ADAMTS2: variants seen among roughly 807,000 people sequenced by gnomAD.
ADAMTS2 encodes ADAM metallopeptidase with thrombospondin type 1 motif 2.
ADAMTS2 carries 50 observed loss-of-function variants against 123.0 expected under a neutral mutation model. That is an observed-to-expected ratio of 0.41 (90% CI 0.32 to 0.51). The LOEUF (loss-of-function observed/expected upper bound fraction) is 0.51, where lower values mean the gene tolerates loss of function less well. ADAMTS2 is among the 20% of genes least tolerant of loss of function. The pLI is 0.35. For missense variants in ADAMTS2, 1,494 were observed against 1,705.2 expected (o/e 0.88, Z 2.18); for synonymous variants, 678 against 695.4 (o/e 0.98, Z 0.39).
chr5:179,238,612 A>C (rs1765590154), intron 3 of ADAMTS2, among the ~76,000 whole-genome samples: 1 of 152,130 alleles, frequency 6.6e-6, no homozygotes, highest in African/African-American at 2.4e-5. Flanking sequence ...TAGAAAGGGC[A>C]TCCAGGCGGA....
intron 20 of ADAMTS2, 34 bp downstream of exon 20, chr5:179,122,610 C>T (rs1239818579): frequency 3.0e-5 from 46 of 1,546,792 alleles, no homozygotes; most frequent in Non-Finnish European, 3.8e-5. Flanking sequence ...CTGCTGCATG[C>T]TGGGAGCAGG....
At chr5:179,306,584 C>G (rs1756679002) in intron 2 of ADAMTS2, among the ~76,000 whole-genome samples, 1 of 152,188 alleles carries the variant, frequency 6.6e-6, no homozygotes, top group Admixed American at 6.5e-5. Flanking sequence ...GAGTCCTAGA[C>G]AGCACCTCTG....
intron 2 of ADAMTS2, among the ~76,000 whole-genome samples, chr5:179,339,955 C>T (rs1482906218): frequency 2.0e-5 from 3 of 152,244 alleles, no homozygotes; most frequent in African/African-American, 7.2e-5. Flanking sequence ...GCCTTTATGA[C>T]TCTTAATGTC....
At position 179,228,071 on chromosome 5, in the gene ADAMTS2, C is replaced by T. The variant is rs1288442877; in HGVS notation, c.689-20356G>A. ...GGGAGGAGGAGAAGGCCGTGTGGGG[C>T]GTGTTGGGCTGAGATTTCTGTGGGG... On this transcript the variant is annotated intron_variant, in intron 3 of 21. Transcript: ENST00000251582. The surrounding 1 kb of genome is among the most constrained non-coding windows in gnomAD (Gnocchi z 5.2). Among the ~76,000 whole-genome samples, 1 of 152,078 alleles carries T rather than the reference C, an allele frequency of 6.6e-6. No homozygotes were observed. Among genetic ancestry groups the T allele is most frequent in the Non-Finnish European group, 1.5e-5 (1 of 67,998 alleles).
chr5:179,203,524 G>A (rs1442997022), intron 4 of ADAMTS2, among the ~76,000 whole-genome samples: 1 of 152,232 alleles, frequency 6.6e-6, no homozygotes, highest in Non-Finnish European at 1.5e-5. Flanking sequence ...ACTTGGGGTT[G>A]TGGTTCGAGG....
intron 2 of ADAMTS2, among the ~76,000 whole-genome samples, chr5:179,327,295 C>A (rs1757343023): frequency 6.6e-6 from 1 of 152,182 alleles, no homozygotes; most frequent in African/African-American, 2.4e-5. Flanking sequence ...GGCAGGGACT[C>A]AAAACAGGGC....
intron 2 of ADAMTS2, among the ~76,000 whole-genome samples, chr5:179,305,828 G>T (rs144965414): frequency 2.0e-5 from 3 of 152,226 alleles, no homozygotes; most frequent in African/African-American, 7.2e-5. Context: ...CCATAAAAAA[G>T]ATAATGGAAT....
intron 3 of ADAMTS2, among the ~76,000 whole-genome samples, chr5:179,264,713 C>A (rs1020610235): frequency 1.3e-5 from 2 of 152,190 alleles, no homozygotes; most frequent in African/African-American, 2.4e-5. Flanking sequence ...GAGCAAGTGT[C>A]GCAGTGAGCA....
At chr5:179,136,758 C>T (rs1019991041) in intron 12 of ADAMTS2, among the ~76,000 whole-genome samples, 1 of 151,392 alleles carries the variant, frequency 6.6e-6, no homozygotes, top group African/African-American at 2.4e-5. Flanking sequence ...ATCATGACGT[C>T]AGGAGATGGA....
chr5:179,199,021 A>G lies in ADAMTS2; in HGVS notation c.891+8492T>C, dbSNP rs147142267. Among the ~76,000 whole-genome samples the G allele has an allele frequency of 1.5e-3, 227 of 152,148 alleles. 2 individuals carry two copies. Among genetic ancestry groups the G allele is most frequent in the African/African-American group, 5.3e-3 (219 of 41,526 alleles). Reference sequence around the variant, plus strand: ...AAAGGCCACAGAGAACGGGAGTCTGAGGTGGCATCCAGGGGGCACATGCAG... The same window carrying G: ...AAAGGCCACAGAGAACGGGAGTCTGGGGTGGCATCCAGGGGGCACATGCAG... On this transcript the variant is annotated intron_variant, in intron 4 of 21. Transcript: ENST00000251582.
chr5:179,289,042 T>A (rs891783701), intron 2 of ADAMTS2, among the ~76,000 whole-genome samples: 1 of 152,106 alleles, frequency 6.6e-6, no homozygotes, highest in Non-Finnish European at 1.5e-5. Context: ...GTGCTGACCT[T>A]GTGCATACCA....
intron 2 of ADAMTS2, among the ~76,000 whole-genome samples, chr5:179,316,487 C>A (rs1256242460): frequency 6.6e-6 from 1 of 152,146 alleles, no homozygotes; most frequent in Non-Finnish European, 1.5e-5. Context: ...CCCTAGGGCT[C>A]CCCAGCCCCA....
chr5:179,196,405 T>C (rs183227646), intron 4 of ADAMTS2, among the ~76,000 whole-genome samples: 3 of 152,280 alleles, frequency 2.0e-5, no homozygotes, highest in South Asian at 2.1e-4. Context: ...AAGAGATGCT[T>C]TGGGGGCTCA....
intron 19 of ADAMTS2, among the ~76,000 whole-genome samples, chr5:179,123,791 A>G (rs1762804101): frequency 6.6e-6 from 1 of 152,194 alleles, no homozygotes; most frequent in South Asian, 2.1e-4. Flanking sequence ...GGAAGGCTCC[A>G]CCTATTAAGA....
In ADAMTS2 at chr5:179,171,351, A is replaced by G. The variant is rs968067189; in HGVS notation, c.975+9721T>C. Among the ~76,000 whole-genome samples the G allele has an allele frequency of 1.3e-4, 20 of 152,196 alleles. 1 individual carries two copies. The highest frequency in any genetic ancestry group is 1.3e-3 in the Admixed American group (20 of 15,292). The stretch of plus-strand genomic sequence containing the variant: ...ACATTCGCTAAGTCAGCCAGGGCCC[A>G]TGACCAGAACCCATTTTCCTAGCCG... On this transcript the variant is annotated intron_variant, in intron 5 of 21. Coordinates refer to ENST00000251582, the MANE Select transcript of ADAMTS2 (RefSeq NM_014244.5).
At position 179,345,364 on chromosome 5, in the gene ADAMTS2, G is replaced by T; in HGVS notation, c.-36C>A. ...CTGCAGCCGGGGCCCCGCACTCGCA[G>T]CCGGCGCGAAAGTTCCCCGCGAGCC... On this transcript the variant is annotated 5_prime_UTR_variant, in exon 1 of 22. In the 5' UTR this introduces an upstream ATG that the reference lacks. Transcript: ENST00000251582. This position sits in a 1 kb window ranked among gnomAD's most constrained non-coding sequence, Gnocchi z 7.5. 5 of 1,124,056 alleles carry T rather than the reference G, an allele frequency of 4.4e-6. No homozygotes were observed. The highest frequency in any genetic ancestry group is 5.4e-6 in the Non-Finnish European group (5 of 918,846). 69.6% of individuals were successfully genotyped at this position (1,124,056 alleles called of 1,614,324 possible).
Position 179,113,687 on chromosome 5 carries a change from T to C in ADAMTS2, c.*180A>G, listed in dbSNP as rs1762610521. ...TCGCTCCTGGGCTGGGAAGCACACGTGCTAACCTAGTTACCACATGCTCAT... is the reference window on the plus strand; with the variant it reads ...TCGCTCCTGGGCTGGGAAGCACACGCGCTAACCTAGTTACCACATGCTCAT... On this transcript the variant is annotated 3_prime_UTR_variant, in exon 22 of 22. Coordinates refer to ENST00000251582, the MANE Select transcript of ADAMTS2 (RefSeq NM_014244.5). 8.8e-6 allele frequency: 6 copies of C among 678,946 alleles called. No homozygotes were observed. Among genetic ancestry groups the C allele is most frequent in the Non-Finnish European group, 1.5e-5 (6 of 393,076 alleles). The allele number at this position is 678,946 out of a possible 1,614,324, so 42.1% of individuals were successfully genotyped here.
Position 179,132,329 on chromosome 5 carries a change from GAC to G in ADAMTS2, c.2210-21_2210-20del, listed in dbSNP as rs531944108. 73 of 1,612,678 alleles carry G rather than the reference GAC, an allele frequency of 4.5e-5. No individual in the cohort carries two copies. Among genetic ancestry groups the G allele is most frequent in the Non-Finnish European group, 5.5e-5 (65 of 1,178,814 alleles). The stretch of plus-strand genomic sequence containing the variant: ...ATGTAACCTTTTTTTGATGTGGAAA[GAC>G]ACAGAAAACTGAGAAGGGAAGGCGC... On this transcript the variant is annotated intron_variant, in intron 14 of 21. Coordinates refer to ENST00000251582, the MANE Select transcript of ADAMTS2 (RefSeq NM_014244.5). The surrounding 1 kb of genome is among the most constrained non-coding windows in gnomAD (Gnocchi z 6.1).
At chr5:179,322,142 T>G (rs192581932) in intron 2 of ADAMTS2, among the ~76,000 whole-genome samples, 1 of 152,228 alleles carries the variant, frequency 6.6e-6, no homozygotes, top group Admixed American at 6.5e-5. Flanking sequence ...TTTTGGCTTA[T>G]TTCTGCATTC....
Sources: allele counts gnomAD v4.1 joint callset (sites outside exome capture counted in the v4.1 genomes callset), GRCh38; gene constraint gnomAD v4.1.1; non-coding constraint Gnocchi (gnomAD v3.1); transcripts MANE v1.5; gene names NCBI Gene and HGNC (gene_info 2026-07-23, HGNC 2026-07-21).